Variants in THBS4 observed in about 807,000 individuals in gnomAD.
THBS4 encodes the protein thrombospondin 4, also known as thrombospondin-4.
In THBS4, 90 loss-of-function variants were observed where a neutral mutation model predicts 115.7. The ratio of observed to expected loss-of-function variants is 0.78; its 90% CI spans 0.66 to 0.93. The LOEUF (loss-of-function observed/expected upper bound fraction) is 0.93. THBS4 is among the 40% of genes least tolerant of loss of function. The pLI, the probability that THBS4 is intolerant of heterozygous loss-of-function variation, is 0.00. For missense variants in THBS4, 1,087 were observed against 1,232.7 expected (o/e 0.88, Z 1.77); for synonymous variants, 460 against 479.3 (o/e 0.96, Z 0.53).
chr5:80,023,634 CAG>C, intron 2 of THBS4, among the ~76,000 whole-genome samples: 1 of 152,282 alleles, frequency 6.6e-6, no homozygotes, highest in Admixed American at 6.5e-5. Context: ...GTTGCTGTAA[CAG>C]AATATCCAAG....
At chr5:80,038,251 TTG>T (rs1832780325) in intron 1 of THBS4, among the ~76,000 whole-genome samples, 1 of 152,208 alleles carries the variant, frequency 6.6e-6, no homozygotes, top group South Asian at 2.1e-4. Context: ...TGTTGTTGTA[TTG>T]TCTTTCATTT....
At chr5:80,019,042 T>G (rs913192118) in intron 2 of THBS4, among the ~76,000 whole-genome samples, 1 of 81,550 alleles carries the variant, frequency 1.2e-5, no homozygotes, top group Non-Finnish European at 2.2e-5. Context: ...TCTGTGATTG[T>G]TTTTTTTTTT....
At chr5:80,027,782 C>T (rs1180122803) in intron 2 of THBS4, among the ~76,000 whole-genome samples, 1 of 150,820 alleles carries the variant, frequency 6.6e-6, no homozygotes, top group Non-Finnish European at 1.5e-5. Context: ...CATGTAATCC[C>T]AGCTACTTGG....
At chr5:80,028,611 AC>A (rs1487758289) in intron 2 of THBS4, among the ~76,000 whole-genome samples, 5 of 152,022 alleles carry the variant, frequency 3.3e-5, no homozygotes, top group African/African-American at 1.2e-4. Flanking sequence ...GACGCCCACC[AC>A]CATGCCCAGC....
At chr5:80,040,056 C>G in intron 1 of THBS4, 21 bp from the exon 2 acceptor site, 1 of 1,611,644 alleles carries the variant, frequency 6.2e-7, no homozygotes, top group East Asian at 2.2e-5. Flanking sequence ...ACTTATACCC[C>G]TTCTTCTCCC....
At chr5:80,073,413 TC>T in intron 15 of THBS4, 86 bp downstream of exon 15, 1 of 1,185,148 alleles carries the variant, frequency 8.4e-7, no homozygotes, top group Non-Finnish European at 1.2e-6. Flanking sequence ...AGGCGGAGTC[TC>T]ACTCTATCAC....
chr5:80,048,833 G>A (rs1833160484), intron 2 of THBS4, among the ~76,000 whole-genome samples: 1 of 152,076 alleles, frequency 6.6e-6, no homozygotes, highest in Non-Finnish European at 1.5e-5. Context: ...TAGTGTATAG[G>A]GCATGAAGAT....
In THBS4 at chr5:80,071,080, G is replaced by A; in HGVS notation, c.1620G>A (p.Gly540=). 1 of 1,612,962 alleles carries A rather than the reference G, an allele frequency of 6.2e-7. No homozygotes were observed. The highest frequency in any genetic ancestry group is 2.2e-5 in the East Asian group (1 of 44,860). ...GGAACAGCGATAAAGATATCTTTGG[G>A]GATGCCTGTGATAACTGCCTGAGTG... ...DQRNSDKDIF[G]DACDNCLSVL... Residue 540 remains glycine, a synonymous_variant, in exon 13 of 22, where the codon GGG becomes GGA. Transcript: ENST00000350881.
In THBS4 at chr5:80,079,275, G is replaced by A. The variant is rs1743375109; in HGVS notation, c.2511+17G>A. 6.3e-7 allele frequency: 1 copy of A among 1,579,990 alleles called. No individual in the cohort carries two copies. The highest frequency in any genetic ancestry group is 8.6e-7 in the Non-Finnish European group (1 of 1,162,332). On this transcript the variant is annotated intron_variant, in intron 19 of 21. Transcript: ENST00000350881. The stretch of plus-strand genomic sequence containing the variant: ...CAGCTCAAGGTATTGGTGGTTTGAA[G>A]TCATTCATCTCCCTTTCTTCTGGAC...
chr5:80,044,942 G>A (rs256445), intron 2 of THBS4, among the ~76,000 whole-genome samples: 83,392 of 151,798 alleles, frequency 0.55, 23,338 homozygotes, highest in African/African-American at 0.65. Context: ...CAACTTTCCA[G>A]TTTGTATCCT....
At chr5:80,012,788 A>C (rs1005036834) in intron 2 of THBS4, among the ~76,000 whole-genome samples, 7 of 152,236 alleles carry the variant, frequency 4.6e-5, no homozygotes, top group Non-Finnish European at 8.8e-5. Flanking sequence ...GCTGGAACTA[A>C]GATCCAGATT....
chr5:80,022,646 A>T (rs974231862), intron 2 of THBS4, among the ~76,000 whole-genome samples: 1 of 152,226 alleles, frequency 6.6e-6, no homozygotes, highest in African/African-American at 2.4e-5. Flanking sequence ...TGTGCAGCTC[A>T]TTTATTCAAA....
intron 2 of THBS4, among the ~76,000 whole-genome samples, chr5:80,004,571 T>G (rs1831978710): frequency 6.6e-6 from 1 of 152,210 alleles, no homozygotes; most frequent in South Asian, 2.1e-4. Context: ...GATAAAAGGT[T>G]AGTGAAGTGT....
chr5:80,079,835 T>C, intron 19 of THBS4, 70 bp from the exon 20 acceptor site: 2 of 1,517,558 alleles, frequency 1.3e-6, no homozygotes, highest in South Asian at 2.4e-5. Flanking sequence ...GGATCATCAC[T>C]TCAGATCCAG....
At chr5:79,994,026 T>C (rs1831741004) in intron 1 of THBS4, among the ~76,000 whole-genome samples, 1 of 152,250 alleles carries the variant, frequency 6.6e-6, no homozygotes, top group South Asian at 2.1e-4. Context: ...TCATTTTACA[T>C]TGATACCTCT....
chr5:80,039,109 T>A (rs1280294153), intron 1 of THBS4, among the ~76,000 whole-genome samples: 1 of 152,248 alleles, frequency 6.6e-6, no homozygotes, highest in Non-Finnish European at 1.5e-5. Flanking sequence ...ATCATTTTAT[T>A]GATTTGTAAG....
In THBS4 at chr5:80,055,915, A is replaced by G. The variant is rs17882513; in HGVS notation, c.423A>G (p.Leu141=). Residue 141 remains leucine (L), a synonymous_variant, in exon 3 of 22, where the codon CTA becomes CTG. Transcript: ENST00000350881. ...ATTTGCAGCGAGGGGCCGGCTCCCT[A>G]GAGCTCTACCTGGACTGCATCCAGG... ...LSNLQRGAGS[L]ELYLDCIQVD... is the part of the protein sequence containing the mutation. 1.0e-3 allele frequency: 1,674 copies of G among 1,614,124 alleles called. 4 individuals carry two copies. The highest frequency in any genetic ancestry group is 0.01 in the African/African-American group (778 of 75,044).
At chr5:80,072,148 C>A in intron 13 of THBS4, 130 bp from the exon 14 acceptor site, 1 of 761,910 alleles carries the variant, frequency 1.3e-6, no homozygotes, top group Non-Finnish European at 2.3e-6. Flanking sequence ...CTCTGGATAA[C>A]TGCAGAAAAG....
At chr5:80,069,552 T>A (rs1410221381) in intron 10 of THBS4, among the ~76,000 whole-genome samples, 3 of 152,220 alleles carry the variant, frequency 2.0e-5, no homozygotes, top group Non-Finnish European at 4.4e-5. Context: ...GAATTTGTAA[T>A]AAGGCACAAC....
Sources: gnomAD v4.1 joint callset for allele counts (sites outside exome capture counted in the v4.1 genomes callset) on GRCh38, gnomAD v4.1.1 for gene constraint, MANE v1.5 for transcripts, NCBI Gene and HGNC (gene_info 2026-07-23, HGNC 2026-07-21) for gene names.